Variants in IL1RAPL2 observed in about 807,000 individuals in gnomAD.
IL1RAPL2 encodes the protein interleukin 1 receptor accessory protein like 2, also known as X-linked interleukin-1 receptor accessory protein-like 2.
In IL1RAPL2, 3 loss-of-function variants were observed where a neutral mutation model predicts 44.1. The observed-to-expected ratio is 0.07, with a 90% CI of 0.03 to 0.18. IL1RAPL2 has a LOEUF of 0.18. Ranked by LOEUF, IL1RAPL2 falls within the 10% of genes least tolerant of loss-of-function variation. The probability of loss-of-function intolerance (pLI) is 1.00; values close to 1 mark genes in which losing one functional copy is unlikely to be tolerated. For synonymous variants in IL1RAPL2, 181 were observed against 178.8 expected, an observed-to-expected ratio of 1.01 and a Z score of -0.10; for missense variants, 391 against 496.4, an observed-to-expected ratio of 0.79 and a Z score of 2.02.
intron 6 of IL1RAPL2, among the ~76,000 whole-genome samples, chrX:105,541,321 G>A (rs1366254123): frequency 9.0e-6 from 1 of 110,768 alleles, no homozygotes; most frequent in Non-Finnish European, 1.9e-5. Flanking sequence ...GGAAGAGATG[G>A]CACTTGAGGT....
At chrX:104,899,561 T>TGTGTGCAACATTTTATGC (rs1923751877) in intron 2 of IL1RAPL2, among the ~76,000 whole-genome samples, 1 of 111,746 alleles carries the variant, frequency 8.9e-6, no homozygotes, top group Non-Finnish European at 1.9e-5. Flanking sequence ...CAACTGGGAA[T>TGTGTGCAACATTTTATGC]CTGTAGGTGA....
intron 2 of IL1RAPL2, among the ~76,000 whole-genome samples, chrX:105,116,451 T>C (rs1233295636): frequency 8.9e-6 from 1 of 112,630 alleles, no homozygotes; most frequent in Non-Finnish European, 1.9e-5. Context: ...GTTGTATAAA[T>C]TGATTTGTAG....
chrX:104,779,819 A>G (rs1033212389), intron 2 of IL1RAPL2, among the ~76,000 whole-genome samples: 3 of 111,150 alleles, frequency 2.7e-5, no homozygotes, highest in African/African-American at 6.6e-5. Flanking sequence ...AATGTGAGCA[A>G]TGATGTGAAG....
chrX:104,933,534 T>C (rs1440477116), intron 2 of IL1RAPL2, among the ~76,000 whole-genome samples: 2 of 111,848 alleles, frequency 1.8e-5, no homozygotes, highest in Non-Finnish European at 3.8e-5. Flanking sequence ...GGATTTCTAA[T>C]ATGAAGTAGT....
chrX:104,686,245 C>T (rs955161348), intron 2 of IL1RAPL2, among the ~76,000 whole-genome samples: 28 of 111,514 alleles, frequency 2.5e-4, no homozygotes, highest in African/African-American at 6.8e-4. Context: ...AACTAGCAGT[C>T]ATCTGTAGTT....
chrX:104,946,400 A>AAAAAAAC (rs1319829882), intron 2 of IL1RAPL2, among the ~76,000 whole-genome samples: 2 of 95,441 alleles, frequency 2.1e-5, no homozygotes, highest in Admixed American at 2.4e-4. Context: ...AAAAAAAAAA[A>AAAAAAAC]AAAAAAAAAC....
chrX:105,647,099 C>T (rs922973963), intron 6 of IL1RAPL2, among the ~76,000 whole-genome samples: 2 of 111,942 alleles, frequency 1.8e-5, no homozygotes, highest in Admixed American at 9.5e-5. Context: ...GTTTAGCTCC[C>T]GGGCACTTAG....
chrX:105,534,521 C>T (rs1471431110), intron 6 of IL1RAPL2, among the ~76,000 whole-genome samples: 1 of 110,740 alleles, frequency 9.0e-6, no homozygotes, highest in Non-Finnish European at 1.9e-5. Context: ...TATACACCCA[C>T]CATGTACCCC....
rs771525814 is a variant in IL1RAPL2, at chrX:105,315,578, G to GTATATATATATATATA, written c.697+48045_697+48060dup. Among the ~76,000 whole-genome samples, 105 of 21,814 alleles carry GTATATATATATATATA rather than the reference G, an allele frequency of 4.8e-3. 19 individuals are homozygous for GTATATATATATATATA. Among genetic ancestry groups the GTATATATATATATATA allele is most frequent in the South Asian group, 0.016 (2 of 123 alleles). 18.9% of individuals were successfully genotyped at this position (21,814 alleles called of 115,157 possible). On this transcript the variant is annotated intron_variant, in intron 5 of 10. Transcript: ENST00000372582. ...CCCTAGAGGGACAGAACTAATGGAT[G>GTATATATATATATATA]TATATATATATATATATATATATGG...
chrX:104,916,571 G>T (rs1924442182), intron 2 of IL1RAPL2, among the ~76,000 whole-genome samples: 1 of 111,118 alleles, frequency 9.0e-6, no homozygotes. Context: ...TCCTTCTCCT[G>T]CCTGATTGCC....
intron 2 of IL1RAPL2, among the ~76,000 whole-genome samples, chrX:105,061,853 A>G (rs188325149): frequency 8.9e-6 from 1 of 112,225 alleles, no homozygotes; most frequent in Non-Finnish European, 1.9e-5. Context: ...AAGGATAGAT[A>G]CTGCTGCTCT....
intron 2 of IL1RAPL2, among the ~76,000 whole-genome samples, chrX:104,800,747 C>T (rs1383196094): frequency 8.9e-6 from 1 of 112,649 alleles, no homozygotes. Context: ...TGTTAATGCA[C>T]TATCCCCCAG....
intron 1 of IL1RAPL2, among the ~76,000 whole-genome samples, chrX:104,652,112 C>G (rs1930163349): frequency 8.9e-6 from 1 of 112,160 alleles, no homozygotes; most frequent in South Asian, 3.7e-4. Context: ...TGAACTTTCA[C>G]AATTGATTGA....
At chrX:104,925,810 C>A (rs1924760206) in intron 2 of IL1RAPL2, among the ~76,000 whole-genome samples, 1 of 111,500 alleles carries the variant, frequency 9.0e-6, no homozygotes, top group Admixed American at 9.5e-5. Context: ...CCCTCTGTCA[C>A]CACTCCTATT....
At position 105,311,381 on chromosome X, in the gene IL1RAPL2, A is replaced by C. The variant is rs1439980591; in HGVS notation, c.697+43840A>C. Among the ~76,000 whole-genome samples the C allele has an allele frequency of 8.4e-5, 9 of 106,529 alleles. No individual in the cohort carries two copies. In the South Asian group the frequency reaches 2.4e-3, roughly 29 times the overall value. 92.5% of individuals were successfully genotyped at this position (106,529 alleles called of 115,157 possible). ...TTTTTTCTGCTCTGTTTTTCCCTTC[A>C]TGCTTTCTTCTGGGTTAATCAAATA... On this transcript the variant is annotated intron_variant, in intron 5 of 10. Coordinates refer to ENST00000372582, the MANE Select transcript of IL1RAPL2 (RefSeq NM_017416.2).
intron 5 of IL1RAPL2, among the ~76,000 whole-genome samples, chrX:105,339,634 C>T (rs903803913): frequency 4.5e-5 from 5 of 111,312 alleles, no homozygotes; most frequent in African/African-American, 1.6e-4. Context: ...CCAGGCTAAG[C>T]ACAGAGCAGA....
At chrX:105,033,315 G>T (rs2031550040) in intron 2 of IL1RAPL2, among the ~76,000 whole-genome samples, 1 of 111,621 alleles carries the variant, frequency 9.0e-6, no homozygotes, top group African/African-American at 3.3e-5. Context: ...TTTCTTCCTA[G>T]CCTTGATGGT....
intron 2 of IL1RAPL2, among the ~76,000 whole-genome samples, chrX:104,696,703 A>C (rs1931188454): frequency 2.7e-5 from 3 of 111,650 alleles, no homozygotes; most frequent in Admixed American, 1.9e-4. Flanking sequence ...GAGGTAAATA[A>C]AATGGGATTC....
intron 1 of IL1RAPL2, among the ~76,000 whole-genome samples, chrX:104,623,058 T>A (rs192484921): frequency 0.012 from 1,339 of 110,808 alleles, 44 homozygotes; most frequent in East Asian, 0.11. Context: ...CATTTTTTTT[T>A]AAAAAAAGTT....
Sources: gnomAD v4.1 joint callset for allele counts (sites outside exome capture counted in the v4.1 genomes callset) on GRCh38, gnomAD v4.1.1 for gene constraint, MANE v1.5 for transcripts, NCBI Gene and HGNC (gene_info 2026-07-23, HGNC 2026-07-21) for gene names.